The following DAB1 variants were observed in gnomAD, a reference collection of about 807,000 sequenced individuals.
The protein encoded by DAB1 is DAB adaptor protein 1, also known as disabled homolog 1.
In DAB1, 15 loss-of-function variants were observed where a neutral mutation model predicts 64.6. That is an observed-to-expected ratio of 0.23 (90% confidence interval 0.16 to 0.36). DAB1 has a LOEUF of 0.36. Among genes scored for constraint, DAB1 ranks in the 10% least tolerant of loss-of-function variants. The pLI, the probability that DAB1 is intolerant of heterozygous loss-of-function variation, is 1.00. For synonymous variants in DAB1, 235 were observed against 251.9 expected (o/e 0.93, Z 0.64); for missense variants, 596 against 706.7 (o/e 0.84, Z 1.78).
intron 7 of DAB1, among the ~76,000 whole-genome samples, chr1:57,516,879 C>T (rs557524805): frequency 3.9e-5 from 6 of 152,256 alleles, no homozygotes; most frequent in East Asian, 1.9e-4. Context: ...TTTATTCATC[C>T]GTCTGCTCAA....
At chr1:57,360,778 C>T (rs1047641395) in intron 1 of DAB1, among the ~76,000 whole-genome samples, 2 of 152,050 alleles carry the variant, frequency 1.3e-5, no homozygotes, top group African/African-American at 2.4e-5. Flanking sequence ...GACAGATTTC[C>T]CAGGCCCTTT....
At chr1:58,140,503 C>T (rs1478511606) in intron 5 of DAB1, among the ~76,000 whole-genome samples, 1 of 152,110 alleles carries the variant, frequency 6.6e-6, no homozygotes, top group Non-Finnish European at 1.5e-5. Context: ...TCCCTTTGCT[C>T]ATAATCTTCC....
At chr1:58,144,960 AAAG>A (rs1423786097) in intron 5 of DAB1, among the ~76,000 whole-genome samples, 5 of 152,210 alleles carry the variant, frequency 3.3e-5, no homozygotes, top group East Asian at 3.8e-4. Flanking sequence ...CAGAAAAGAG[AAAG>A]AAGAATAACA....
chr1:58,060,545 T>C (rs1304933960), intron 5 of DAB1, among the ~76,000 whole-genome samples: 2 of 152,038 alleles, frequency 1.3e-5, no homozygotes, highest in Non-Finnish European at 2.9e-5. Flanking sequence ...AGTGGAAGGG[T>C]AAATTGAGAA....
chr1:58,424,538 A>T (rs998976487), intron 3 of DAB1, among the ~76,000 whole-genome samples: 2 of 151,758 alleles, frequency 1.3e-5, no homozygotes, highest in African/African-American at 4.8e-5. Context: ...GTCCAAACAC[A>T]CTCCTTACCG....
intron 2 of DAB1, among the ~76,000 whole-genome samples, chr1:57,189,845 G>GAAA (rs34251961): frequency 7.3e-6 from 1 of 136,698 alleles, no homozygotes; most frequent in Non-Finnish European, 1.6e-5. Context: ...AAGGGAAGGG[G>GAAA]AAAAAAAAAA....
intron 7 of DAB1, among the ~76,000 whole-genome samples, chr1:57,583,570 C>G (rs1645341608): frequency 6.6e-6 from 1 of 152,170 alleles, no homozygotes; most frequent in Non-Finnish European, 1.5e-5. Flanking sequence ...CAGGCCTGAG[C>G]CACCACGCCC....
chr1:57,467,398 C>A (rs1686987716), intron 7 of DAB1, among the ~76,000 whole-genome samples: 1 of 152,182 alleles, frequency 6.6e-6, no homozygotes, highest in East Asian at 1.9e-4. Context: ...CACAGGCCAG[C>A]AGTATTATCA....
At chr1:58,421,469 T>C (rs1453441179) in intron 3 of DAB1, among the ~76,000 whole-genome samples, 2 of 152,112 alleles carry the variant, frequency 1.3e-5, no homozygotes, top group Admixed American at 6.5e-5. Context: ...GAAAAAAAAG[T>C]TCTTAATTTG....
intron 4 of DAB1, among the ~76,000 whole-genome samples, chr1:58,254,025 A>C (rs944158830): frequency 5.3e-5 from 8 of 152,206 alleles, no homozygotes; most frequent in Non-Finnish European, 8.8e-5. Flanking sequence ...TGGAGAAAAA[A>C]TATGGAAACA....
intron 1 of DAB1, among the ~76,000 whole-genome samples, chr1:57,380,477 G>T (rs559378980): frequency 2.6e-5 from 4 of 152,190 alleles, no homozygotes; most frequent in Non-Finnish European, 5.9e-5. Context: ...GCTATTGAAG[G>T]GTTTTCCTTA....
intron 1 of DAB1, among the ~76,000 whole-genome samples, chr1:57,842,750 T>C (rs72666107): frequency 7.8e-4 from 119 of 152,288 alleles, no homozygotes; most frequent in Non-Finnish European, 1.5e-3. Context: ...ACTGGCATGA[T>C]CCAATCACCT....
chr1:57,959,063 A>G (rs1426607980), intron 5 of DAB1, among the ~76,000 whole-genome samples: 2 of 152,224 alleles, frequency 1.3e-5, no homozygotes, highest in African/African-American at 4.8e-5. Context: ...CCTGGCAAGT[A>G]GCAGGCAGAA....
chr1:57,382,682 C>T (rs1428640439), intron 1 of DAB1, among the ~76,000 whole-genome samples: 4 of 152,130 alleles, frequency 2.6e-5, no homozygotes, highest in Admixed American at 2.6e-4. Context: ...CCTTCTCACG[C>T]TGCCAACTCT....
intron 7 of DAB1, among the ~76,000 whole-genome samples, chr1:57,481,746 G>A (rs1644023505): frequency 1.3e-5 from 2 of 151,650 alleles, no homozygotes; most frequent in South Asian, 4.2e-4. Flanking sequence ...GAACCCAGAA[G>A]GCAGAGGTTG....
chr1:57,948,037 C>T (rs1373659839), intron 5 of DAB1, among the ~76,000 whole-genome samples: 1 of 152,136 alleles, frequency 6.6e-6, no homozygotes, highest in Non-Finnish European at 1.5e-5. Context: ...TATGCTAGCC[C>T]CTTGACCTGG....
chr1:57,998,322 T>G (rs1453264734), intron 5 of DAB1, among the ~76,000 whole-genome samples: 1 of 152,190 alleles, frequency 6.6e-6, no homozygotes, highest in Non-Finnish European at 1.5e-5. Context: ...TCACTAGATA[T>G]TTGTAAATTT....
chr1:57,922,983 C>T (rs548946579), intron 5 of DAB1, among the ~76,000 whole-genome samples: 1 of 151,654 alleles, frequency 6.6e-6, no homozygotes, highest in East Asian at 1.9e-4. Context: ...TCCCTCCCTC[C>T]CTCCCTGCCT....
intron 5 of DAB1, chr1:58,079,986 C>G (rs550454345): frequency 6.6e-6 from 1 of 152,268 alleles, no homozygotes; most frequent in South Asian, 2.1e-4. Flanking sequence ...TAACTCTCAT[C>G]CTAGCCTTTG....
Sources: allele counts gnomAD v4.1 joint callset (sites outside exome capture counted in the v4.1 genomes callset), GRCh38; gene constraint gnomAD v4.1.1; transcripts MANE v1.5; gene names NCBI Gene and HGNC (gene_info 2026-07-23, HGNC 2026-07-21).